JAK1: variants seen among roughly 807,000 people sequenced by gnomAD.
The protein encoded by JAK1 is Janus kinase 1.
Under a neutral mutation model 136.6 loss-of-function variants are expected in JAK1, and 16 were observed. That is an observed-to-expected ratio of 0.12 (90% CI 0.08 to 0.18). The LOEUF is 0.18. Ranked by LOEUF, JAK1 falls within the 10% of genes least tolerant of loss-of-function variation. The probability of loss-of-function intolerance (pLI) is 1.00; values close to 1 mark genes in which losing one functional copy is unlikely to be tolerated. For synonymous variants in JAK1, 492 were observed against 519.5 expected (o/e 0.95, Z 0.72); for missense variants, 859 against 1,450.1 (o/e 0.59, Z 6.62).
At chr1:64,909,350 C>T (rs1420395477) in intron 1 of JAK1, among the ~76,000 whole-genome samples, 2 of 151,722 alleles carry the variant, frequency 1.3e-5, no homozygotes, top group African/African-American at 2.4e-5. Context: ...GGCGAAATAG[C>T]GTTTAGTAGA....
chr1:64,913,675 G>GAAGGAAGGAAGGAAGGAAA (rs1645331429), intron 1 of JAK1, among the ~76,000 whole-genome samples: 2 of 26,764 alleles, frequency 7.5e-5, no homozygotes, highest in South Asian at 2.1e-3. Flanking sequence ...AAGGAAGGAA[G>GAAGGAAGGAAGGAAGGAAA]GAAGGAAGGA....
At chr1:64,868,700 G>T (rs936146263) in intron 6 of JAK1, among the ~76,000 whole-genome samples, 6 of 152,132 alleles carry the variant, frequency 3.9e-5, no homozygotes, top group African/African-American at 1.4e-4. Flanking sequence ...TTCAAAATGA[G>T]ACTGTCTTCA....
Position 64,834,661 on chromosome 1 carries a change from TAAAA to T in JAK1, c.3370-8_3370-5del, listed in dbSNP as rs1654356944. ...ATTTCCTCATAAGTTGATAAACCTG[TAAAA>T]AGAAAGAAGTAACAACAGTAAAAAT... On this transcript the variant is annotated splice_region_variant and splice_polypyrimidine_tract_variant and intron_variant, in intron 24 of 24. Coordinates refer to ENST00000342505, the MANE Select transcript of JAK1 (RefSeq NM_002227.4). 1 of 1,586,824 alleles carries T rather than the reference TAAAA, an allele frequency of 6.3e-7. No individual in the cohort carries two copies. Among genetic ancestry groups the T allele is most frequent in the African/African-American group, 1.3e-5 (1 of 74,302 alleles).
intron 1 of JAK1, among the ~76,000 whole-genome samples, chr1:64,944,637 G>A (rs1317655879): frequency 1.3e-5 from 2 of 152,128 alleles, no homozygotes. Flanking sequence ...GCATGTGTTG[G>A]GGGCAGGGGT....
chr1:64,951,649 C>CTTTTTTT (rs71056071), intron 1 of JAK1, among the ~76,000 whole-genome samples: 1 of 76,960 alleles, frequency 1.3e-5, no homozygotes, highest in African/African-American at 5.1e-5. Flanking sequence ...CAAGTTCTGC[C>CTTTTTTT]TTTTTTTTTT....
At chr1:64,990,620 C>G (rs77052768) in intron 2 of JAK1, 6,167 of 152,072 alleles carry the variant, frequency 0.041, 157 homozygotes, top group Non-Finnish European at 0.064. Context: ...GGAAAGTATA[C>G]TTCAATAAAA....
At position 65,033,725 on chromosome 1, in the gene JAK1, C is replaced by CAAAAAAAAA. The variant is rs10700479; in HGVS notation, c.-78+10746_-78+10754dup. On this transcript the variant is annotated intron_variant, in intron 2 of 25. Transcript: ENST00000671954. ...TAACATTGTGAGACTCCCGTAGTAC[C>CAAAAAAAAA]AAAAAAAAAAAAAAAAAAGGAAACA... is the stretch of plus-strand genomic sequence containing the variant. Among the ~76,000 whole-genome samples, 65 of 89,178 alleles carry CAAAAAAAAA rather than the reference C, an allele frequency of 7.3e-4. 2 individuals carry two copies. Among genetic ancestry groups the CAAAAAAAAA allele is most frequent in the East Asian group, 3.4e-3 (10 of 2,970 alleles). 58.5% of individuals were successfully genotyped at this position (89,178 alleles called of 152,430 possible). A position where few individuals can be genotyped will look rare whatever the true frequency, so the allele number is the denominator to read the frequency against.
intron 22 of JAK1, 140 bp from the exon 23 acceptor site, chr1:64,836,355 A>G (rs1654477446): frequency 1.7e-5 from 11 of 651,388 alleles, no homozygotes; most frequent in Non-Finnish European, 3.1e-5. Context: ...TATTTTACAC[A>G]TACCATGTAT....
chr1:64,925,500 A>G (rs953781165), intron 1 of JAK1, among the ~76,000 whole-genome samples: 2 of 152,186 alleles, frequency 1.3e-5, no homozygotes, highest in Admixed American at 1.3e-4. Context: ...TCATGGCCTG[A>G]TGTCCCACAG....
chr1:64,978,874 A>T, intron 2 of JAK1, among the ~76,000 whole-genome samples: 1 of 151,570 alleles, frequency 6.6e-6, no homozygotes. Context: ...AAAAAAACTT[A>T]GGGTGGTCTT....
intron 2 of JAK1, among the ~76,000 whole-genome samples, chr1:65,008,288 T>C (rs1296019422): frequency 6.6e-6 from 1 of 152,180 alleles, no homozygotes; most frequent in South Asian, 2.1e-4. Flanking sequence ...GTGTATGGTG[T>C]GTCCTAGTAA....
chr1:64,855,534 T>C lies in JAK1; in HGVS notation c.1623A>G (p.Lys541=). The C allele has an allele frequency of 4.3e-6, 7 of 1,614,032 alleles. No individual in the cohort carries two copies. Among genetic ancestry groups the C allele is most frequent in the Non-Finnish European group, 5.9e-6 (7 of 1,179,976 alleles). Residue 541 remains lysine (K), a synonymous_variant, in exon 11 of 25, where the codon AAA becomes AAG. Transcript: ENST00000342505. ...LRTDNISFML[K]RCCQPKPREI... ...CTCGGGGCTTGGGCTGGCAGCAGCG[T>C]TTTAGCATGAAGCTGATGTTATCCG...
chr1:64,869,530 A>C, intron 5 of JAK1, 56 bp from the exon 6 acceptor site: 1 of 1,486,156 alleles, frequency 6.7e-7, no homozygotes, highest in Non-Finnish European at 9.3e-7. Flanking sequence ...CTTGACAAGA[A>C]GGCTACTACA....
chr1:65,021,559 G>T (rs555665167), intron 2 of JAK1, among the ~76,000 whole-genome samples: 1 of 152,204 alleles, frequency 6.6e-6, no homozygotes, highest in Non-Finnish European at 1.5e-5. Context: ...TGTCTTTATT[G>T]GGTGGCTGCA....
At position 64,886,343 on chromosome 1, in the gene JAK1, T is replaced by C; in HGVS notation, c.-77-2A>G. 1 of 1,505,540 alleles carries C rather than the reference T, an allele frequency of 6.6e-7. No individual in the cohort carries two copies. The highest frequency in any genetic ancestry group is 8.9e-7 in the Non-Finnish European group (1 of 1,128,646). 93.3% of individuals were successfully genotyped at this position (1,505,540 alleles called of 1,614,324 possible). ...TTCCAAAGCTACTTCAGAGAAGCGC[T>C]AAAGACAAAAATAAATAAATAAATC... On this transcript the variant is annotated splice_acceptor_variant, in intron 1 of 24. Transcript: ENST00000342505. LOFTEE classifies it low-confidence loss of function (5UTR_SPLICE).
At chr1:64,893,283 G>C (rs937688301) in intron 1 of JAK1, among the ~76,000 whole-genome samples, 3 of 152,176 alleles carry the variant, frequency 2.0e-5, no homozygotes, top group Non-Finnish European at 2.9e-5. Context: ...AACAGAGCTT[G>C]TGCGAGAGCT....
At chr1:64,867,610 T>G (rs931492815) in intron 6 of JAK1, among the ~76,000 whole-genome samples, 1 of 152,264 alleles carries the variant, frequency 6.6e-6, no homozygotes, top group African/African-American at 2.4e-5. Flanking sequence ...GCAATTGTCA[T>G]TTTGTGTGAT....
intron 20 of JAK1, among the ~76,000 whole-genome samples, chr1:64,839,142 T>A: frequency 1.1e-5 from 1 of 89,038 alleles, no homozygotes. Context: ...CGAGACTCCG[T>A]CTCAAAAAAA....
chr1:65,011,628 C>T (rs1646849714), intron 2 of JAK1, among the ~76,000 whole-genome samples: 1 of 152,148 alleles, frequency 6.6e-6, no homozygotes, highest in African/African-American at 2.4e-5. Context: ...TAAACTAGAT[C>T]ATAGTTTATT....
Sources: allele counts gnomAD v4.1 joint callset (sites outside exome capture counted in the v4.1 genomes callset), GRCh38; gene constraint gnomAD v4.1.1; transcripts MANE v1.5; gene names NCBI Gene and HGNC (gene_info 2026-07-23, HGNC 2026-07-21).